Variants in PARPBP observed in about 807,000 individuals in gnomAD.
The protein encoded by PARPBP is PARP1 binding protein.
A neutral mutation model predicts 50.0 loss-of-function variants in PARPBP; 52 were observed. That is an observed-to-expected ratio of 1.04 (90% confidence interval 0.83 to 1.31). The LOEUF is 1.31. Among genes scored for constraint, PARPBP ranks in the 50% most tolerant of loss-of-function variants. The probability of loss-of-function intolerance (pLI) is 0.00; values close to 1 mark genes in which losing one functional copy is unlikely to be tolerated. For missense variants in PARPBP, 697 were observed against 672.0 expected, an observed-to-expected ratio of 1.04 and a Z score of -0.41; for synonymous variants, 244 against 232.1, an observed-to-expected ratio of 1.05 and a Z score of -0.47.
chr12:102,124,017 T>G lies in PARPBP; in HGVS notation c.129T>G (p.Leu43=). ...GADSMLLALQ[L]SMAENNKQHS... is the part of the protein sequence containing the mutation. ...ACTCCATGCTCTTGGCATTGCAGCTTTCTATGGCGGAGAACAACAAACAGG... is the reference window on the plus strand; with the variant it reads ...ACTCCATGCTCTTGGCATTGCAGCTGTCTATGGCGGAGAACAACAAACAGG... The change falls in exon 2 of 11, where the codon CTT becomes CTG. Residue 43 remains leucine, a synonymous_variant. Coordinates refer to ENST00000327680, the MANE Select transcript of PARPBP (RefSeq NM_017915.5). 1 of 1,535,478 alleles carries G rather than the reference T, an allele frequency of 6.5e-7. No homozygotes were observed. Among genetic ancestry groups the G allele is most frequent in the Non-Finnish European group, 8.7e-7 (1 of 1,146,476 alleles).
chr12:102,169,663 G>A (rs946914783), intron 6 of PARPBP, among the ~76,000 whole-genome samples: 1 of 152,086 alleles, frequency 6.6e-6, no homozygotes, highest in Non-Finnish European at 1.5e-5. Context: ...GTGTCACTGA[G>A]TTGTCTATTC....
chr12:102,162,699 G>A (rs915962014), intron 4 of PARPBP, among the ~76,000 whole-genome samples: 5 of 152,040 alleles, frequency 3.3e-5, no homozygotes, highest in Non-Finnish European at 1.5e-5. Context: ...GCACATGCCT[G>A]TAATCCTAGC....
At chr12:102,139,037 A>G (rs1884124059) in intron 2 of PARPBP, among the ~76,000 whole-genome samples, 4 of 152,222 alleles carry the variant, frequency 2.6e-5, no homozygotes, top group Admixed American at 6.5e-5. Flanking sequence ...AGTCATTGGT[A>G]GCTTCATGGG....
rs1356997063 is a variant in PARPBP, at chr12:102,196,941, T to A, written c.*650T>A. 1 of 1,517,686 alleles carries A rather than the reference T, an allele frequency of 6.6e-7. No individual in the cohort carries two copies. Among genetic ancestry groups the A allele is most frequent in the Non-Finnish European group, 9.1e-7 (1 of 1,094,612 alleles). 94.0% of individuals were successfully genotyped at this position (1,517,686 alleles called of 1,614,324 possible). A position where few individuals can be genotyped will look rare whatever the true frequency, so the allele number is the denominator to read the frequency against. On this transcript the variant is annotated 3_prime_UTR_variant, in exon 11 of 11. Coordinates refer to ENST00000327680, the MANE Select transcript of PARPBP (RefSeq NM_017915.5). ...AGAGTTCTGTTTAATGGTGGTAGGATGTAAGAATTGAATTTTGAAAAGACT... is the reference window on the plus strand; with the variant it reads ...AGAGTTCTGTTTAATGGTGGTAGGAAGTAAGAATTGAATTTTGAAAAGACT...
At chr12:102,159,182 G>A (rs150680768) in intron 4 of PARPBP, among the ~76,000 whole-genome samples, 3,431 of 152,236 alleles carry the variant, frequency 0.023, 117 homozygotes, top group African/African-American at 0.067. Flanking sequence ...CCAGGCTGGA[G>A]TGCAGTGGTG....
chr12:102,187,689 G>GA (rs377228739), intron 9 of PARPBP, among the ~76,000 whole-genome samples: 503 of 152,168 alleles, frequency 3.3e-3, no homozygotes, highest in African/African-American at 0.011. Context: ...AGGGATAACA[G>GA]AAAAAATGCA....
chr12:102,156,877 A>G (rs1170214949), intron 4 of PARPBP, among the ~76,000 whole-genome samples: 1 of 152,094 alleles, frequency 6.6e-6, no homozygotes, highest in East Asian at 1.9e-4. Context: ...CCTGACCTCA[A>G]GTGATCTGCC....
chr12:102,146,331 A>G (rs1317333339), intron 2 of PARPBP, among the ~76,000 whole-genome samples: 1 of 152,222 alleles, frequency 6.6e-6, no homozygotes, highest in African/African-American at 2.4e-5. Flanking sequence ...ACAAGGCTAC[A>G]GTAACCAAAA....
intron 4 of PARPBP, among the ~76,000 whole-genome samples, chr12:102,159,407 G>A (rs1401528344): frequency 6.6e-6 from 1 of 152,140 alleles, no homozygotes; most frequent in Non-Finnish European, 1.5e-5. Flanking sequence ...AATTACAGGC[G>A]TGAGCCACCG....
chr12:102,171,351 G>A (rs2136448189), intron 6 of PARPBP, among the ~76,000 whole-genome samples: 1 of 152,156 alleles, frequency 6.6e-6, no homozygotes, highest in South Asian at 2.1e-4. Flanking sequence ...TGAGTGATGT[G>A]TTGAGCTATG....
intron 4 of PARPBP, among the ~76,000 whole-genome samples, chr12:102,155,969 T>A (rs1377369148): frequency 6.6e-6 from 1 of 152,128 alleles, no homozygotes; most frequent in East Asian, 1.9e-4. Context: ...TTCTCTTCCG[T>A]GACCCACGGC....
chr12:102,136,826 G>A (rs112696561), intron 2 of PARPBP, among the ~76,000 whole-genome samples: 2 of 152,252 alleles, frequency 1.3e-5, no homozygotes, highest in African/African-American at 4.8e-5. Context: ...GGGTGCATTC[G>A]TGAGTAGCAT....
chr12:102,172,830 C>G (rs534771512), intron 6 of PARPBP, among the ~76,000 whole-genome samples: 1 of 152,264 alleles, frequency 6.6e-6, no homozygotes, highest in African/African-American at 2.4e-5. Flanking sequence ...TTCCAAAACT[C>G]TTTTCTATTA....
At chr12:102,146,633 T>A (rs1294540479) in intron 2 of PARPBP, among the ~76,000 whole-genome samples, 3 of 152,082 alleles carry the variant, frequency 2.0e-5, no homozygotes, top group African/African-American at 4.8e-5. Flanking sequence ...AACCTAGGCA[T>A]TACCATTCAG....
At chr12:102,133,931 CA>C (rs1883232307) in intron 2 of PARPBP, among the ~76,000 whole-genome samples, 1 of 151,608 alleles carries the variant, frequency 6.6e-6, no homozygotes, top group Non-Finnish European at 1.5e-5. Context: ...TATGGAAGTA[CA>C]ACATACCACA....
intron 5 of PARPBP, among the ~76,000 whole-genome samples, chr12:102,165,453 A>G (rs950009289): frequency 2.0e-5 from 3 of 152,148 alleles, no homozygotes; most frequent in Admixed American, 2.0e-4. Flanking sequence ...AATACATTCT[A>G]ATTAATATAC....
intron 1 of PARPBP, among the ~76,000 whole-genome samples, chr12:102,122,536 T>C (rs1881312647): frequency 6.6e-6 from 1 of 152,220 alleles, no homozygotes; most frequent in Admixed American, 6.5e-5. Context: ...CATGTGAGTA[T>C]GTTGAGACTT....
At chr12:102,140,608 C>T (rs1399989966) in intron 2 of PARPBP, among the ~76,000 whole-genome samples, 2 of 152,028 alleles carry the variant, frequency 1.3e-5, no homozygotes, top group African/African-American at 4.8e-5. Flanking sequence ...CCTGCTTTCT[C>T]TTGTGGGCAA....
At chr12:102,194,002 T>G (rs564508787) in intron 9 of PARPBP, among the ~76,000 whole-genome samples, 1 of 152,060 alleles carries the variant, frequency 6.6e-6, no homozygotes, top group African/African-American at 2.4e-5. Context: ...TAATTTTTAG[T>G]GATCTGGGAG....
Sources: allele counts gnomAD v4.1 joint callset (sites outside exome capture counted in the v4.1 genomes callset), GRCh38; gene constraint gnomAD v4.1.1; transcripts MANE v1.5; gene names NCBI Gene and HGNC (gene_info 2026-07-23, HGNC 2026-07-21).